RBFOX1: variants seen among roughly 807,000 people sequenced by gnomAD.
RBFOX1 encodes the protein RNA binding protein fox-1 homolog 1.
Under a neutral mutation model 57.7 loss-of-function variants are expected in RBFOX1, and 8 were observed. The observed-to-expected ratio is 0.14, with a 90% CI of 0.08 to 0.25. The LOEUF is 0.25. Among genes scored for constraint, RBFOX1 ranks in the 10% least tolerant of loss-of-function variants. RBFOX1 has a pLI of 1.00. For synonymous variants in RBFOX1, 326 were observed against 222.4 expected (o/e 1.47, Z -4.15); for missense variants, 611 against 548.5 (o/e 1.11, Z -1.14).
intron 4 of RBFOX1, among the ~76,000 whole-genome samples, chr16:7,156,673 T>C (rs538462912): frequency 6.6e-6 from 1 of 152,198 alleles, no homozygotes; most frequent in Non-Finnish European, 1.5e-5. Flanking sequence ...TTAATAGTTT[T>C]AGTAGTTCTA....
intron 2 of RBFOX1, among the ~76,000 whole-genome samples, chr16:6,475,631 C>A (rs1025562588): frequency 8.5e-5 from 13 of 152,176 alleles, no homozygotes; most frequent in African/African-American, 2.9e-4. Context: ...TCATTAAGCT[C>A]ACCTTTCTTA....
intron 3 of RBFOX1, among the ~76,000 whole-genome samples, chr16:6,982,657 C>T (rs1319195608): frequency 6.6e-6 from 1 of 152,144 alleles, no homozygotes; most frequent in East Asian, 1.9e-4. Flanking sequence ...TGAGTATTCA[C>T]AGTAAATGTA....
At chr16:6,076,529 G>A (rs1434765426) in intron 1 of RBFOX1, among the ~76,000 whole-genome samples, 1 of 151,958 alleles carries the variant, frequency 6.6e-6, no homozygotes, top group Admixed American at 6.6e-5. Context: ...GGACAGTGGT[G>A]CGATCATAGC....
At chr16:6,599,480 C>A (rs560094569) in intron 2 of RBFOX1, among the ~76,000 whole-genome samples, 2 of 152,194 alleles carry the variant, frequency 1.3e-5, no homozygotes, top group African/African-American at 4.8e-5. Flanking sequence ...AAATACTAAG[C>A]GACACACCTA....
At chr16:5,315,663 T>C (rs1164277574) in intron 1 of RBFOX1, among the ~76,000 whole-genome samples, 1 of 152,212 alleles carries the variant, frequency 6.6e-6, no homozygotes, top group Admixed American at 6.5e-5. Flanking sequence ...GGAATTAATT[T>C]AAGCCATTTT....
chr16:6,397,722 A>G (rs1381399151), intron 2 of RBFOX1, among the ~76,000 whole-genome samples: 3 of 152,240 alleles, frequency 2.0e-5, no homozygotes, highest in African/African-American at 4.8e-5. Context: ...TAACATATGC[A>G]GACACAAATG....
At chr16:5,376,172 G>GAA (rs796746799) in intron 1 of RBFOX1, among the ~76,000 whole-genome samples, 3 of 99,462 alleles carry the variant, frequency 3.0e-5, no homozygotes, top group East Asian at 3.0e-4. Context: ...TGTCTCAAAA[G>GAA]AAAAAAAAAA....
At chr16:7,464,343 G>A (rs533900945) in intron 4 of RBFOX1, among the ~76,000 whole-genome samples, 21 of 152,172 alleles carry the variant, frequency 1.4e-4, no homozygotes, top group Non-Finnish European at 2.4e-4. Flanking sequence ...GCAGGTGAAC[G>A]CTGACTCTTT....
At chr16:5,985,310 T>C (rs1349636043) in intron 4 of RBFOX1, among the ~76,000 whole-genome samples, 1 of 140,392 alleles carries the variant, frequency 7.1e-6, no homozygotes, top group Non-Finnish European at 1.6e-5. Context: ...CATAATCTTA[T>C]GGGGCCATTG....
At chr16:6,752,384 G>C (rs75827105) in intron 3 of RBFOX1, among the ~76,000 whole-genome samples, 2 of 152,280 alleles carry the variant, frequency 1.3e-5, no homozygotes, top group East Asian at 3.9e-4. Context: ...GAGTAAAGTA[G>C]AGAGAATGAA....
At chr16:5,885,863 C>T (rs925225240) in intron 4 of RBFOX1, among the ~76,000 whole-genome samples, 4 of 152,108 alleles carry the variant, frequency 2.6e-5, no homozygotes, top group Admixed American at 6.5e-5. Flanking sequence ...GTTACTGATA[C>T]AGGTTGGCTC....
intron 5 of RBFOX1, among the ~76,000 whole-genome samples, chr16:7,542,819 A>AG (rs1419466015): frequency 6.6e-6 from 1 of 150,848 alleles, no homozygotes; most frequent in Non-Finnish European, 1.5e-5. Context: ...GAGGAAAAAA[A>AG]AAATAGAGGA....
chr16:6,957,645 C>T (rs975731922), intron 3 of RBFOX1, among the ~76,000 whole-genome samples: 5 of 152,118 alleles, frequency 3.3e-5, no homozygotes, highest in African/African-American at 7.2e-5. Flanking sequence ...TATCTTGTGC[C>T]GACATCCTGT....
At chr16:6,577,885 A>G (rs1019363499) in intron 2 of RBFOX1, among the ~76,000 whole-genome samples, 5 of 152,246 alleles carry the variant, frequency 3.3e-5, no homozygotes, top group Non-Finnish European at 7.3e-5. Context: ...TTATTAAACA[A>G]ACGAGGCAAT....
chr16:7,325,039 A>C (rs905228807), intron 4 of RBFOX1, among the ~76,000 whole-genome samples: 2 of 152,340 alleles, frequency 1.3e-5, no homozygotes, highest in African/African-American at 2.4e-5. Context: ...AAGGCACTTC[A>C]CAAGTTGCAT....
chr16:6,102,344 A>G (rs903409093), intron 1 of RBFOX1, among the ~76,000 whole-genome samples: 9 of 152,082 alleles, frequency 5.9e-5, no homozygotes, highest in Non-Finnish European at 1.2e-4. Context: ...AATTTTTCTA[A>G]GAAATTATCT....
chr16:6,771,175 C>A (rs940471712), intron 3 of RBFOX1, among the ~76,000 whole-genome samples: 3 of 152,066 alleles, frequency 2.0e-5, no homozygotes, highest in Non-Finnish European at 2.9e-5. Context: ...CGTCTGCAAG[C>A]CAAGGAAAGA....
rs113664646 is a variant in RBFOX1, at chr16:6,871,005, G to T, written c.-15-181052G>T. Among the ~76,000 whole-genome samples, 248 of 152,324 alleles carry T rather than the reference G, an allele frequency of 1.6e-3. 1 individual carries two copies. Among genetic ancestry groups the T allele is most frequent in the Non-Finnish European group, 2.7e-3 (187 of 68,024 alleles). ...GAAGCCCACTATCCAGTGAATAACA[G>T]ATGCTCATTAAATATTGGAAAGCAA... On this transcript the variant is annotated intron_variant, in intron 3 of 15. Coordinates refer to ENST00000550418, the MANE Select transcript of RBFOX1 (RefSeq NM_018723.4).
intron 4 of RBFOX1, among the ~76,000 whole-genome samples, chr16:5,989,340 G>A (rs2060345723): frequency 6.6e-6 from 1 of 151,722 alleles, no homozygotes; most frequent in Admixed American, 6.6e-5. Flanking sequence ...GAAAAAAACA[G>A]AACAAAACAA....
Sources: allele counts gnomAD v4.1 joint callset (sites outside exome capture counted in the v4.1 genomes callset), GRCh38; gene constraint gnomAD v4.1.1; transcripts MANE v1.5; gene names NCBI Gene and HGNC (gene_info 2026-07-23, HGNC 2026-07-21).